WASHC5: variants seen among roughly 807,000 people sequenced by gnomAD.
WASHC5 encodes WASH complex subunit strumpellin.
Under a neutral mutation model 150.4 loss-of-function variants are expected in WASHC5, and 101 were observed. The observed-to-expected ratio is 0.67, with a 90% CI of 0.57 to 0.79. The LOEUF (loss-of-function observed/expected upper bound fraction) is 0.79. Ranked by LOEUF, WASHC5 falls within the 30% of genes least tolerant of loss-of-function variation. The pLI is 0.00. For missense variants in WASHC5, 1,195 were observed against 1,396.3 expected, an observed-to-expected ratio of 0.86 and a Z score of 2.30; for synonymous variants, 467 against 491.2, an observed-to-expected ratio of 0.95 and a Z score of 0.65.
chr8:125,083,102 T>A lies in WASHC5; in HGVS notation c.332+11A>T. ...ACTACCAGAATAAGCTATTCCTAAA[T>A]AGATCAATACCTGTTTAAGTCTACA... On this transcript the variant is annotated intron_variant, in intron 3 of 28. Coordinates refer to ENST00000318410, the MANE Select transcript of WASHC5 (RefSeq NM_014846.4). 6.8e-7 allele frequency: 1 copy of A among 1,466,826 alleles called. No homozygotes were observed. Among genetic ancestry groups the A allele is most frequent in the African/African-American group, 1.4e-5 (1 of 72,004 alleles). 90.9% of individuals were successfully genotyped at this position (1,466,826 alleles called of 1,614,324 possible).
chr8:125,030,735 C>T (rs1202224215), intron 27 of WASHC5, among the ~76,000 whole-genome samples: 6 of 150,444 alleles, frequency 4.0e-5, no homozygotes, highest in Admixed American at 4.0e-4. Context: ...TAATACTCCT[C>T]TGTGCCAAGG....
intron 23 of WASHC5, among the ~76,000 whole-genome samples, chr8:125,042,523 T>A (rs1383650281): frequency 6.6e-6 from 1 of 152,152 alleles, no homozygotes; most frequent in African/African-American, 2.4e-5. Context: ...TCGGTCACAG[T>A]CACGTGGCTG....
chr8:125,059,523 A>C lies in WASHC5; in HGVS notation c.1541T>G (p.Leu514Trp). ...ALEEVQEFHQ[L>W]ESNLQVCQFL... is the part of the protein sequence containing the mutation. ...CTGACATACTTGCAGATTGGATTCCAACTGGTGGAATTCTTGAACCTGTGT... is the reference window on the plus strand; with the variant it reads ...CTGACATACTTGCAGATTGGATTCCCACTGGTGGAATTCTTGAACCTGTGT... Residue 514 changes from leucine (L) to tryptophan (W), a missense_variant, in exon 13 of 29, where the codon TTG becomes TGG. By Grantham distance (61) the Leu-to-Trp change is moderately conservative. Around this residue, in one of 3 missense-constraint regions of WASHC5, gnomAD observed 997 missense variants for 1,168.1 expected, o/e 0.85. Transcript: ENST00000318410. The C allele has an allele frequency of 6.2e-7, 1 of 1,613,646 alleles. No homozygotes were observed. Among genetic ancestry groups the C allele is most frequent in the Admixed American group, 1.7e-5 (1 of 60,020 alleles).
chr8:125,024,323 TAAAAC>T lies in WASHC5; in HGVS notation c.*289_*293del. 2.3e-6 allele frequency: 1 copy of T among 437,536 alleles called. No homozygotes were observed. Among genetic ancestry groups the T allele is most frequent in the Non-Finnish European group, 4.2e-6 (1 of 239,198 alleles). 27.1% of individuals were successfully genotyped at this position (437,536 alleles called of 1,614,324 possible). A position where few individuals can be genotyped will look rare whatever the true frequency, so the allele number is the denominator to read the frequency against. On this transcript the variant is annotated 3_prime_UTR_variant, in exon 29 of 29. Transcript: ENST00000318410. Reference sequence around the variant, plus strand: ...GTTGCACAAATAGTTCTTTAGAACATAAAACTAAATGGATTTATACATAACAGTTA... The same window carrying T: ...GTTGCACAAATAGTTCTTTAGAACATTAAATGGATTTATACATAACAGTTA...
At chr8:125,043,741 C>T in intron 23 of WASHC5, 84 bp downstream of exon 23, 2 of 930,126 alleles carry the variant, frequency 2.2e-6, no homozygotes, top group East Asian at 2.5e-5. Flanking sequence ...AGAAGAGTAG[C>T]TTTTTTTGGG....
intron 28 of WASHC5, among the ~76,000 whole-genome samples, chr8:125,025,197 A>G (rs1179921992): frequency 2.0e-5 from 3 of 152,130 alleles, no homozygotes; most frequent in Admixed American, 1.3e-4. Flanking sequence ...AGTTGGGTAG[A>G]ATGTAGAGGT....
intron 25 of WASHC5, among the ~76,000 whole-genome samples, chr8:125,037,769 T>A (rs141060576): frequency 6.6e-6 from 1 of 152,116 alleles, no homozygotes; most frequent in East Asian, 1.9e-4. Context: ...AGGGAAAAGA[T>A]CCATGTAGCA....
intron 26 of WASHC5, among the ~76,000 whole-genome samples, chr8:125,034,511 A>T (rs10092712): frequency 0.22 from 33,295 of 152,020 alleles, 3,940 homozygotes; most frequent in Middle Eastern, 0.37. Flanking sequence ...TCAGAAAAAA[A>T]AAAAGAATGG....
intron 19 of WASHC5, among the ~76,000 whole-genome samples, chr8:125,048,464 G>A (rs887378721): frequency 2.0e-5 from 3 of 152,310 alleles, no homozygotes; most frequent in African/African-American, 7.2e-5. Context: ...TGGCATTAGA[G>A]AAATGCAAAT....
intron 11 of WASHC5, 146 bp from the exon 12 acceptor site, chr8:125,061,340 T>C: frequency 3.4e-6 from 2 of 594,786 alleles, no homozygotes; most frequent in Admixed American, 2.6e-5. Context: ...ACGACAAAAA[T>C]GCCTGGAGCA....
intron 26 of WASHC5, among the ~76,000 whole-genome samples, chr8:125,034,047 A>AT (rs1270689723): frequency 8.1e-6 from 1 of 123,886 alleles, no homozygotes; most frequent in African/African-American, 4.1e-5. Flanking sequence ...CAACTCTGTA[A>AT]TAAAAAAAAA....
intron 11 of WASHC5, among the ~76,000 whole-genome samples, chr8:125,062,480 G>A (rs1361643294): frequency 6.6e-6 from 1 of 152,150 alleles, no homozygotes; most frequent in Admixed American, 6.5e-5. Flanking sequence ...ATTGTTACAC[G>A]TGATTGTTTT....
intron 26 of WASHC5, among the ~76,000 whole-genome samples, chr8:125,034,339 C>T (rs1454406291): frequency 2.0e-5 from 3 of 151,846 alleles, no homozygotes; most frequent in Non-Finnish European, 4.4e-5. Context: ...TCTCTACTAA[C>T]AATACAAAAA....
chr8:125,061,405 C>A (rs1816590828), intron 11 of WASHC5, among the ~76,000 whole-genome samples: 1 of 152,158 alleles, frequency 6.6e-6, no homozygotes, highest in Admixed American at 6.5e-5. Flanking sequence ...CAGCACTTGG[C>A]AGACAAATAC....
intron 8 of WASHC5, among the ~76,000 whole-genome samples, chr8:125,073,613 A>C (rs893921108): frequency 1.3e-5 from 2 of 152,238 alleles, no homozygotes; most frequent in Middle Eastern, 3.2e-3. Context: ...TTTCTATATA[A>C]GATGAATGAC....
chr8:125,026,897 G>A (rs1338013395), intron 28 of WASHC5, among the ~76,000 whole-genome samples: 2 of 151,922 alleles, frequency 1.3e-5, no homozygotes, highest in Non-Finnish European at 2.9e-5. Context: ...ATTCTTTGAA[G>A]TTAAAAAAGT....
At chr8:125,061,280 T>C in intron 11 of WASHC5, 86 bp from the exon 12 acceptor site, 1 of 777,400 alleles carries the variant, frequency 1.3e-6, no homozygotes, top group Non-Finnish European at 2.2e-6. Context: ...CTTTTATAAA[T>C]TCAGTTCTTC....
intron 17 of WASHC5, among the ~76,000 whole-genome samples, chr8:125,051,451 A>T (rs1005913335): frequency 1.3e-5 from 2 of 152,246 alleles, no homozygotes; most frequent in Non-Finnish European, 2.9e-5. Context: ...TTCAAATAAG[A>T]CAACTGCAAG....
At chr8:125,052,458 A>G (rs1293067664) in intron 17 of WASHC5, among the ~76,000 whole-genome samples, 2 of 149,850 alleles carry the variant, frequency 1.3e-5, no homozygotes, top group East Asian at 3.9e-4. Context: ...CCATTCGTTT[A>G]TATACATAAA....
Sources: gnomAD v4.1 joint callset for allele counts (sites outside exome capture counted in the v4.1 genomes callset) on GRCh38, gnomAD v4.1.1 for gene constraint, gnomAD v4.1.1 regional missense constraint, MANE v1.5 for transcripts, NCBI Gene and HGNC (gene_info 2026-07-23, HGNC 2026-07-21) for gene names.